The following CBLB variants were observed in gnomAD, a reference collection of about 807,000 sequenced individuals.
CBLB encodes the protein E3 ubiquitin-protein ligase CBL-B.
CBLB carries 31 observed loss-of-function variants against 104.9 expected under a neutral mutation model. That is an observed-to-expected ratio of 0.30 (90% CI 0.22 to 0.40). CBLB has a LOEUF of 0.40. CBLB is among the 10% of genes least tolerant of loss of function. CBLB has a pLI of 1.00. For missense variants in CBLB, 1,062 were observed against 1,214.6 expected, an observed-to-expected ratio of 0.87 and a Z score of 1.87; for synonymous variants, 440 against 422.6, an observed-to-expected ratio of 1.04 and a Z score of -0.51.
At chr3:105,856,654 A>G (rs1017219542) in intron 2 of CBLB, among the ~76,000 whole-genome samples, 1 of 152,174 alleles carries the variant, frequency 6.6e-6, no homozygotes, top group South Asian at 2.1e-4. Context: ...ACTCTAAAGT[A>G]TCAAGTATTC....
intron 4 of CBLB, among the ~76,000 whole-genome samples, chr3:105,773,254 G>A (rs550568953): frequency 6.6e-6 from 1 of 152,318 alleles, no homozygotes; most frequent in South Asian, 2.1e-4. Flanking sequence ...GATGGAGCTA[G>A]AAACCATTAT....
intron 1 of CBLB, chr3:105,868,472 G>A (rs1706517502): frequency 5.7e-6 from 2 of 353,492 alleles, no homozygotes; most frequent in Non-Finnish European, 1.0e-5. Context: ...GCGCGGGAGG[G>A]ACACTGTGGG....
At chr3:105,703,902 T>C (rs1041234752) in intron 11 of CBLB, 86 bp downstream of exon 11, 5 of 1,265,056 alleles carry the variant, frequency 4.0e-6, no homozygotes, top group African/African-American at 1.5e-5. Flanking sequence ...AGCAAAAAAA[T>C]ATGAGTAATG....
At chr3:105,729,104 GAC>G (rs1177899808) in intron 9 of CBLB, among the ~76,000 whole-genome samples, 1 of 152,052 alleles carries the variant, frequency 6.6e-6, no homozygotes, top group African/African-American at 2.4e-5. Flanking sequence ...CTTCTTGGCA[GAC>G]ACGCAGCCTT....
intron 2 of CBLB, among the ~76,000 whole-genome samples, chr3:105,865,320 G>A (rs1176659169): frequency 6.6e-6 from 1 of 152,020 alleles, no homozygotes; most frequent in East Asian, 1.9e-4. Flanking sequence ...AATAATTTAT[G>A]CAATTTCTCT....
intron 4 of CBLB, among the ~76,000 whole-genome samples, chr3:105,760,187 T>C (rs1044121754): frequency 2.6e-5 from 4 of 152,202 alleles, no homozygotes; most frequent in Non-Finnish European, 5.9e-5. Flanking sequence ...AAATTTGCTA[T>C]AGTCATAAAA....
At chr3:105,663,650 C>T (rs2064053498) in intron 18 of CBLB, among the ~76,000 whole-genome samples, 1 of 152,108 alleles carries the variant, frequency 6.6e-6, no homozygotes, top group Non-Finnish European at 1.5e-5. Context: ...GAGTGACAAA[C>T]AGAACATTCC....
At chr3:105,783,765 G>A (rs1424969335) in intron 3 of CBLB, among the ~76,000 whole-genome samples, 1 of 152,180 alleles carries the variant, frequency 6.6e-6, no homozygotes, top group Non-Finnish European at 1.5e-5. Flanking sequence ...TGGCCAAAAT[G>A]CAGCTAGTCC....
At chr3:105,785,558 T>C (rs1313033868) in intron 3 of CBLB, among the ~76,000 whole-genome samples, 1 of 152,200 alleles carries the variant, frequency 6.6e-6, no homozygotes, top group Non-Finnish European at 1.5e-5. Flanking sequence ...AAGCATAACA[T>C]AGTTTCCCGT....
chr3:105,774,484 C>T (rs2079229279), intron 4 of CBLB, among the ~76,000 whole-genome samples: 1 of 152,082 alleles, frequency 6.6e-6, no homozygotes, highest in African/African-American at 2.4e-5. Flanking sequence ...GGCAGTCATC[C>T]ACAAATTAAA....
intron 18 of CBLB, among the ~76,000 whole-genome samples, chr3:105,664,538 A>G (rs1302283565): frequency 6.6e-6 from 1 of 152,098 alleles, no homozygotes; most frequent in Non-Finnish European, 1.5e-5. Flanking sequence ...TAGGGTTTTA[A>G]GTGATTGCTT....
intron 10 of CBLB, among the ~76,000 whole-genome samples, chr3:105,717,799 C>G (rs1395324415): frequency 3.9e-5 from 6 of 152,092 alleles, no homozygotes; most frequent in African/African-American, 1.2e-4. Context: ...TCTACTAACT[C>G]AGATTATGGA....
At chr3:105,783,799 T>C (rs747185509) in intron 3 of CBLB, among the ~76,000 whole-genome samples, 22 of 151,904 alleles carry the variant, frequency 1.4e-4, no homozygotes, top group Non-Finnish European at 2.6e-4. Context: ...TACAGCAGAG[T>C]GAAGGTGAAT....
intron 4 of CBLB, among the ~76,000 whole-genome samples, chr3:105,771,139 A>C (rs2078831072): frequency 6.6e-6 from 1 of 152,200 alleles, no homozygotes; most frequent in South Asian, 2.1e-4. Context: ...AGATGCAAAA[A>C]TCCTCAACAA....
chr3:105,772,180 T>C (rs1208291585), intron 4 of CBLB, among the ~76,000 whole-genome samples: 3 of 152,090 alleles, frequency 2.0e-5, no homozygotes, highest in East Asian at 1.9e-4. Context: ...GACAGGCACA[T>C]AGACCAATGG....
chr3:105,788,841 C>G (rs1015033508), intron 3 of CBLB, among the ~76,000 whole-genome samples: 1 of 152,140 alleles, frequency 6.6e-6, no homozygotes, highest in South Asian at 2.1e-4. Context: ...TGAGGCTAGG[C>G]ATTACAAAGT....
upstream of CBLB, chr3:105,869,025 T>G: frequency 5.2e-6 from 4 of 766,918 alleles, no homozygotes; most frequent in Non-Finnish European, 6.7e-6. Flanking sequence ...CCCACCCCTG[T>G]GGCACACACA....
At chr3:105,715,711 T>A (rs1576558646) in intron 10 of CBLB, among the ~76,000 whole-genome samples, 1 of 152,272 alleles carries the variant, frequency 6.6e-6, no homozygotes, top group East Asian at 1.9e-4. Context: ...GTCACTCTTT[T>A]AACTGAGAGA....
At chr3:105,839,134 T>C (rs887296984) in intron 3 of CBLB, among the ~76,000 whole-genome samples, 2 of 152,136 alleles carry the variant, frequency 1.3e-5, no homozygotes, top group Admixed American at 1.3e-4. Flanking sequence ...TCTTTACCAA[T>C]ATATGTGCAG....
Sources: allele counts gnomAD v4.1 joint callset (sites outside exome capture counted in the v4.1 genomes callset), GRCh38; gene constraint gnomAD v4.1.1; transcripts MANE v1.5; gene names NCBI Gene and HGNC (gene_info 2026-07-23, HGNC 2026-07-21).